The following CSF1 variants were observed in gnomAD, a reference collection of about 807,000 sequenced individuals.
CSF1 encodes macrophage colony-stimulating factor 1.
A neutral mutation model predicts 48.9 loss-of-function variants in CSF1; 9 were observed. That is an observed-to-expected ratio of 0.18 (90% CI 0.11 to 0.32). CSF1 has a LOEUF of 0.32. Among genes scored for constraint, CSF1 ranks in the 10% least tolerant of loss-of-function variants. The pLI is 1.00. For synonymous variants in CSF1, 305 were observed against 284.1 expected (o/e 1.07, Z -0.74); for missense variants, 672 against 697.9 (o/e 0.96, Z 0.42).
chr1:109,915,811 G>A, intron 3 of CSF1, 115 bp downstream of exon 3: 2 of 901,694 alleles, frequency 2.2e-6, no homozygotes, highest in Non-Finnish European at 3.7e-6. Context: ...GGGTGAGAGT[G>A]TGAGGATCCA....
rs750604657 is a variant in CSF1, at chr1:109,917,344, A to T, written c.277A>T (p.Met93Leu). The part of the protein sequence containing the change: ...KKAFLLVQDI[M>L]EDTMRFRDNT... ...GGCATTTCTCCTGGTACAAGACATA[A>T]TGGAGGACACCATGCGCTTCAGAGA... The change falls in exon 4 of 9, where the codon ATG becomes TTG. Residue 93 changes from methionine to leucine, a missense_variant. Physicochemically the swap from Met to Leu is conservative, Grantham distance 15. This residue lies in a region of CSF1 where 591 missense variants were observed against 593.6 expected (regional missense o/e 1.00). Transcript: ENST00000329608. The T allele has an allele frequency of 1.5e-5, 25 of 1,614,082 alleles. No individual in the cohort carries two copies. Among genetic ancestry groups the T allele is most frequent in the Non-Finnish European group, 1.9e-5 (22 of 1,180,040 alleles).
Position 109,911,070 on chromosome 1 carries a change from A to T in CSF1, c.39+8A>T, listed in dbSNP as rs1409136122. 4.6e-6 allele frequency: 5 copies of T among 1,080,836 alleles called. No homozygotes were observed. Among genetic ancestry groups the T allele is most frequent in the Non-Finnish European group, 5.6e-6 (5 of 893,292 alleles). 67.0% of individuals were successfully genotyped at this position (1,080,836 alleles called of 1,614,324 possible). On this transcript the variant is annotated splice_region_variant and intron_variant, in intron 1 of 8. Coordinates refer to ENST00000329608, the MANE Select transcript of CSF1 (RefSeq NM_000757.6). ...GGGCGCTGCCCTCCCACGGTAAGCG[A>T]CGGCCGCGGCGCTGGGCCCGGGACG...
chr1:109,928,142 G>A (rs333947), intron 8 of CSF1, among the ~76,000 whole-genome samples: 20,459 of 152,192 alleles, frequency 0.13, 1,898 homozygotes, highest in East Asian at 0.28. Flanking sequence ...TGGGAACAAA[G>A]CGTCCTGAGG....
At chr1:109,924,898 G>A in intron 7 of CSF1, 70 bp downstream of exon 7, 1 of 1,465,172 alleles carries the variant, frequency 6.8e-7, no homozygotes, top group Non-Finnish European at 9.4e-7. Flanking sequence ...CCTCTTCGTG[G>A]TGGTGGGGCT....
At chr1:109,921,327 T>C (rs1391123547) in intron 4 of CSF1, among the ~76,000 whole-genome samples, 1 of 152,240 alleles carries the variant, frequency 6.6e-6, no homozygotes. Flanking sequence ...GGGCTTTTCA[T>C]GCATTTTCTT....
At chr1:109,928,331 C>G (rs770355689) in intron 8 of CSF1, among the ~76,000 whole-genome samples, 1 of 152,212 alleles carries the variant, frequency 6.6e-6, no homozygotes, top group Non-Finnish European at 1.5e-5. Flanking sequence ...TAGACTTTTC[C>G]TCTCTGGCCC....
chr1:109,924,736 TC>T, intron 6 of CSF1, 39 bp from the exon 7 acceptor site: 1 of 1,544,874 alleles, frequency 6.5e-7, no homozygotes, highest in Non-Finnish European at 8.8e-7. Flanking sequence ...CCCCCCACAC[TC>T]CCCCAGCTCC....
chr1:109,921,765 A>C, intron 4 of CSF1, 82 bp from the exon 5 acceptor site: 2 of 1,435,318 alleles, frequency 1.4e-6, no homozygotes, highest in Admixed American at 2.6e-5. Flanking sequence ...GATGTGAGAA[A>C]GGCCAAGGGA....
At chr1:109,916,835 CCATCTCTTTAGGGAGACAAAACA>C (rs1216602594) in intron 3 of CSF1, among the ~76,000 whole-genome samples, 1 of 152,188 alleles carries the variant, frequency 6.6e-6, no homozygotes, top group Non-Finnish European at 1.5e-5. Flanking sequence ...AAGGCAACTA[CCATCTCTTTAGGGAGACAAAACA>C]CAGAGGTTAT....
chr1:109,914,394 C>A lies in CSF1; in HGVS notation c.162+13C>A. 1 of 1,584,292 alleles carries A rather than the reference C, an allele frequency of 6.3e-7. No homozygotes were observed. ...TCTGCAGCGGCTGGTGAGTGTGTGG[C>A]CATGCTGTATTCTACCTTCTCCCCA... On this transcript the variant is annotated intron_variant, in intron 2 of 8. Transcript: ENST00000329608.
chr1:109,928,223 G>A (rs1435372179), intron 8 of CSF1, among the ~76,000 whole-genome samples: 3 of 152,192 alleles, frequency 2.0e-5, no homozygotes, highest in Admixed American at 6.5e-5. Context: ...TGGATGATGC[G>A]GGAGGCAAGG....
intron 1 of CSF1, among the ~76,000 whole-genome samples, chr1:109,912,172 G>C (rs1276177031): frequency 2.0e-5 from 3 of 152,036 alleles, no homozygotes; most frequent in Non-Finnish European, 4.4e-5. Context: ...GCAAAGCTTC[G>C]GGGCTGAAGG....
chr1:109,916,722 T>C (rs899030403), intron 3 of CSF1, among the ~76,000 whole-genome samples: 1 of 152,224 alleles, frequency 6.6e-6, no homozygotes, highest in Non-Finnish European at 1.5e-5. Flanking sequence ...CAGTATTTTA[T>C]GCACTCACTC....
intron 4 of CSF1, among the ~76,000 whole-genome samples, chr1:109,919,951 TAAATAAATAAATAAATAAATAAATA>T (rs888026919): frequency 6.8e-6 from 1 of 147,942 alleles, no homozygotes; most frequent in Non-Finnish European, 1.5e-5. Context: ...AATAAATAAA[TAAATAAATAAATAAATAAATAAATA>T]AAAGACTGAA....
At chr1:109,927,293 G>T (rs1313054556) in intron 8 of CSF1, among the ~76,000 whole-genome samples, 1 of 152,218 alleles carries the variant, frequency 6.6e-6, no homozygotes, top group African/African-American at 2.4e-5. Flanking sequence ...AGGGAATTTG[G>T]CAAATGCTCA....
At chr1:109,914,501 C>G (rs1029113554) in intron 2 of CSF1, 120 bp downstream of exon 2, 4 of 1,208,030 alleles carry the variant, frequency 3.3e-6, no homozygotes, top group Admixed American at 3.3e-5. Context: ...CGGGACATTG[C>G]TTGTGGTTCC....
Position 109,923,920 on chromosome 1 carries a change from C to G in CSF1, c.1299C>G (p.Ser433Arg). 6.2e-7 allele frequency: 1 copy of G among 1,614,130 alleles called. No individual in the cohort carries two copies. Among genetic ancestry groups the G allele is most frequent in the Non-Finnish European group, 8.5e-7 (1 of 1,179,938 alleles). Residue 433 changes from serine to arginine, a missense_variant, in exon 6 of 9, where the codon AGC becomes AGG. This residue lies in a region of CSF1 where 591 missense variants were observed against 593.6 expected (regional missense o/e 1.00). Transcript: ENST00000329608. ...TTTCCAGAAGCCACTCCTCGGGCAG[C>G]GTGCTGCCCCTTGGGGAGCTGGAGG... Reference protein sequence around the residue: ...PQLSRSHSSGSVLPLGELEGR... With the variant: ...PQLSRSHSSGRVLPLGELEGR...
chr1:109,920,393 G>A (rs191754451), intron 4 of CSF1, among the ~76,000 whole-genome samples: 1 of 152,056 alleles, frequency 6.6e-6, no homozygotes, highest in Non-Finnish European at 1.5e-5. Context: ...TCAGCCTCCC[G>A]AGTAGCTGGG....
chr1:109,917,278 G>C lies in CSF1; in HGVS notation c.226-15G>C, dbSNP rs1228064593. On this transcript the variant is annotated splice_polypyrimidine_tract_variant and intron_variant, in intron 3 of 8. Coordinates refer to ENST00000329608, the MANE Select transcript of CSF1 (RefSeq NM_000757.6). ...ACAATGGCCAGGCCATAAGCTCCAG[G>C]TTCCTGTTTTTCAGAAAGATCCAGT... 6.2e-7 allele frequency: 1 copy of C among 1,612,092 alleles called. No homozygotes were observed. Among genetic ancestry groups the C allele is most frequent in the Non-Finnish European group, 8.5e-7 (1 of 1,178,852 alleles).
Sources: gnomAD v4.1 joint callset for allele counts (sites outside exome capture counted in the v4.1 genomes callset) on GRCh38, gnomAD v4.1.1 for gene constraint, gnomAD v4.1.1 regional missense constraint, MANE v1.5 for transcripts, NCBI Gene and HGNC (gene_info 2026-07-23, HGNC 2026-07-21) for gene names.